The following CAPN5 variants were observed in gnomAD, a reference collection of about 807,000 sequenced individuals.
CAPN5 encodes the protein calpain 5.
A neutral mutation model predicts 73.0 loss-of-function variants in CAPN5; 54 were observed. The observed-to-expected ratio is 0.74, with a 90% CI of 0.59 to 0.93. The LOEUF is 0.93. Among genes scored for constraint, CAPN5 ranks in the 40% least tolerant of loss-of-function variants. The pLI is 0.00. For synonymous variants in CAPN5, 335 were observed against 356.9 expected, an observed-to-expected ratio of 0.94 and a Z score of 0.69; for missense variants, 785 against 882.9, an observed-to-expected ratio of 0.89 and a Z score of 1.41.
chr11:77,097,325 G>A (rs1011461302), intron 3 of CAPN5, among the ~76,000 whole-genome samples: 4 of 152,180 alleles, frequency 2.6e-5, no homozygotes, highest in Admixed American at 2.0e-4. Flanking sequence ...CACATGGATG[G>A]AGCACCAGCT....
chr11:77,091,550 A>G (rs556428167), intron 2 of CAPN5, among the ~76,000 whole-genome samples: 1 of 152,324 alleles, frequency 6.6e-6, no homozygotes, highest in South Asian at 2.1e-4. Context: ...TGGTGTCAGC[A>G]GGATGCCTGG....
chr11:77,101,189 C>G (rs1414717691), intron 3 of CAPN5, among the ~76,000 whole-genome samples: 2 of 152,210 alleles, frequency 1.3e-5, no homozygotes, highest in African/African-American at 4.8e-5. Flanking sequence ...TTTCTGAGGC[C>G]TCTGTGTGGC....
intron 1 of CAPN5, among the ~76,000 whole-genome samples, chr11:77,067,990 T>C (rs1949863677): frequency 6.6e-6 from 1 of 151,936 alleles, no homozygotes; most frequent in South Asian, 2.1e-4. Context: ...TCCCTACACC[T>C]GTGGTTTAGA....
intron 3 of CAPN5, among the ~76,000 whole-genome samples, chr11:77,101,551 G>A (rs1437734161): frequency 6.6e-6 from 1 of 152,166 alleles, no homozygotes; most frequent in Non-Finnish European, 1.5e-5. Flanking sequence ...TAACAGGACC[G>A]GGTATTCTGT....
rs1555040001 is a variant in CAPN5, at chr11:77,106,957, G to A, written c.298-5632G>A. Among the ~76,000 whole-genome samples the A allele has an allele frequency of 1.3e-5, 2 of 152,348 alleles. 1 individual carries two copies. Among genetic ancestry groups the A allele is most frequent in the South Asian group, 4.1e-4 (2 of 4,826 alleles). On this transcript the variant is annotated intron_variant, in intron 3 of 12. Coordinates refer to ENST00000648180, the MANE Select transcript of CAPN5 (RefSeq NM_004055.5). ...CAGAGCGGCCCAGCAGAGACCATTA[G>A]CCTTCACATGATTGCTGGGGAGCTG...
At chr11:77,104,414 G>T (rs576986643) in intron 3 of CAPN5, among the ~76,000 whole-genome samples, 1 of 152,188 alleles carries the variant, frequency 6.6e-6, no homozygotes, top group Non-Finnish European at 1.5e-5. Context: ...GCTGAGGGGG[G>T]CAGGGCGAAG....
At chr11:77,083,186 TG>T (rs1950044951) in intron 1 of CAPN5, among the ~76,000 whole-genome samples, 1 of 152,138 alleles carries the variant, frequency 6.6e-6, no homozygotes, top group South Asian at 2.1e-4. Flanking sequence ...AGTATGGATA[TG>T]GGGGCAGAAG....
intron 8 of CAPN5, among the ~76,000 whole-genome samples, chr11:77,118,646 T>C (rs1950492118): frequency 6.6e-6 from 1 of 152,226 alleles, no homozygotes; most frequent in Non-Finnish European, 1.5e-5. Flanking sequence ...AGCCAGGGAC[T>C]CAGCCCCTTG....
At chr11:77,067,297 C>T (rs1949853465) in intron 1 of CAPN5, among the ~76,000 whole-genome samples, 1 of 151,748 alleles carries the variant, frequency 6.6e-6, no homozygotes, top group Non-Finnish European at 1.5e-5. Context: ...CCTGGGCCCC[C>T]TCGGCTCGTC....
intron 3 of CAPN5, chr11:77,103,232 C>T (rs376488366): frequency 9.2e-5 from 149 of 1,613,546 alleles, no homozygotes; most frequent in Non-Finnish European, 9.7e-5. Context: ...GCCTGTCGGA[C>T]CTGGCCAAGA....
Position 77,115,504 on chromosome 11 carries a change from CCTT to C in CAPN5, c.814_816del (p.Phe272del), listed in dbSNP as rs781942330. 11 of 1,613,250 alleles carry C rather than the reference CCTT, an allele frequency of 6.8e-6. No homozygotes were observed. Among genetic ancestry groups the C allele is most frequent in the Admixed American group, 5.0e-5 (3 of 60,012 alleles). On this transcript the variant is annotated inframe_deletion, in exon 6 of 13. Coordinates refer to ENST00000648180, the MANE Select transcript of CAPN5 (RefSeq NM_004055.5). ...GTGCGCCTGGGCCACGGCCTACTGGCCTTCTTCAAGTCAGAGAAGTTGGACATG... is the reference window on the plus strand; with the variant it reads ...GTGCGCCTGGGCCACGGCCTACTGGCCTTCAAGTCAGAGAAGTTGGACATG...
intron 4 of CAPN5, 29 bp from the exon 5 acceptor site, chr11:77,114,212 GC>G: frequency 6.2e-7 from 1 of 1,604,588 alleles, no homozygotes; most frequent in Non-Finnish European, 8.5e-7. Context: ...GGGAGCATGA[GC>G]TGGGAAGTCT....
chr11:77,115,278 T>C, intron 5 of CAPN5, 117 bp from the exon 6 acceptor site: 2 of 754,906 alleles, frequency 2.6e-6, no homozygotes, highest in South Asian at 1.8e-5. Flanking sequence ...GCCCCATGAC[T>C]GCAATTCCCA....
chr11:77,080,552 G>A (rs1349445624), intron 1 of CAPN5, among the ~76,000 whole-genome samples: 2 of 152,170 alleles, frequency 1.3e-5, no homozygotes, highest in Non-Finnish European at 2.9e-5. Context: ...TCCAGGGAAG[G>A]CTCACAGGTA....
chr11:77,076,401 A>C (rs1555033922), intron 1 of CAPN5, among the ~76,000 whole-genome samples: 1 of 152,218 alleles, frequency 6.6e-6, no homozygotes, highest in East Asian at 1.9e-4. Context: ...ATCTATTGTT[A>C]TTAACTATTG....
chr11:77,094,666 G>C (rs574340112), intron 3 of CAPN5, among the ~76,000 whole-genome samples: 20 of 152,314 alleles, frequency 1.3e-4, no homozygotes, highest in African/African-American at 4.6e-4. Flanking sequence ...CATCTCCCAG[G>C]CTTGGCAGTG....
intron 2 of CAPN5, among the ~76,000 whole-genome samples, chr11:77,086,214 A>G (rs1555035507): frequency 1.3e-5 from 2 of 152,140 alleles, no homozygotes; most frequent in South Asian, 2.1e-4. Flanking sequence ...GCATTTTCCA[A>G]AGTTCCTCCT....
intron 3 of CAPN5, chr11:77,103,350 G>T: frequency 6.3e-7 from 1 of 1,598,710 alleles, no homozygotes; most frequent in East Asian, 2.2e-5. Context: ...GCCAGCTGCT[G>T]CTCTCCTCTA....
rs527791546 is a variant in CAPN5 at position 77,111,652 on chromosome 11, T to C, written c.298-937T>C. On this transcript the variant is annotated intron_variant, in intron 3 of 12. Coordinates refer to ENST00000648180, the MANE Select transcript of CAPN5 (RefSeq NM_004055.5). ...ATACTCTCTGGGTCAGGCCCTGGGC[T>C]AGGTGCTGGGTGCATAGCAGTGACT... Among the ~76,000 whole-genome samples the C allele has an allele frequency of 3.3e-5, 5 of 152,338 alleles. No homozygotes were observed. The East Asian group carries it at 9.6e-4, about 29-fold the overall frequency.
Sources: gnomAD v4.1 joint callset for allele counts (sites outside exome capture counted in the v4.1 genomes callset) on GRCh38, gnomAD v4.1.1 for gene constraint, MANE v1.5 for transcripts, NCBI Gene and HGNC (gene_info 2026-07-23, HGNC 2026-07-21) for gene names.